DLGAP2: variants seen among roughly 807,000 people sequenced by gnomAD.
The protein encoded by DLGAP2 is disks large-associated protein 2.
A neutral mutation model predicts 100.3 loss-of-function variants in DLGAP2; 26 were observed. The observed-to-expected ratio is 0.26, with a 90% CI of 0.19 to 0.36. DLGAP2 has a LOEUF of 0.36. Among genes scored for constraint, DLGAP2 ranks in the 10% least tolerant of loss-of-function variants. The pLI is 1.00. For synonymous variants in DLGAP2, 886 were observed against 630.1 expected (o/e 1.41, Z -6.08); for missense variants, 1,858 against 1,453.2 (o/e 1.28, Z -4.53).
chr8:1,321,105 G>T (rs560089404), intron 3 of DLGAP2, among the ~76,000 whole-genome samples: 1 of 151,784 alleles, frequency 6.6e-6, no homozygotes, highest in Non-Finnish European at 1.5e-5. Flanking sequence ...GCATCCATGT[G>T]CCTCTGTGTG....
rs79223701 is a variant in DLGAP2, at chr8:1,417,635, G to C, written c.107-83731G>C. On this transcript the variant is annotated intron_variant, in intron 3 of 14. Transcript: ENST00000637795. ...GACTTCACTGCGTGGCCGCCTCCAGGGGGGCACGGGGAGCCCCACTCCTGC... is the reference window on the plus strand; with the variant it reads ...GACTTCACTGCGTGGCCGCCTCCAGCGGGGCACGGGGAGCCCCACTCCTGC... Among the ~76,000 whole-genome samples, 12 of 103,660 alleles carry C rather than the reference G, an allele frequency of 1.2e-4. 2 individuals are homozygous for C. The East Asian group carries it at 3.4e-3, about 30-fold the overall frequency. 68.0% of individuals were successfully genotyped at this position (103,660 alleles called of 152,430 possible). A position where few individuals can be genotyped will look rare whatever the true frequency, so the allele number is the denominator to read the frequency against.
At chr8:1,191,389 C>G (rs554706267) in intron 2 of DLGAP2, among the ~76,000 whole-genome samples, 2 of 152,238 alleles carry the variant, frequency 1.3e-5, no homozygotes, top group East Asian at 3.9e-4. Flanking sequence ...CCAGGATGGT[C>G]TTGATCTCCT....
intron 3 of DLGAP2, among the ~76,000 whole-genome samples, chr8:1,321,191 G>A (rs984902941): frequency 6.6e-6 from 1 of 151,582 alleles, no homozygotes; most frequent in Non-Finnish European, 1.5e-5. Flanking sequence ...GTCTCTACGT[G>A]TGCACGTGCA....
chr8:1,151,442 A>C (rs1007277219), intron 2 of DLGAP2, among the ~76,000 whole-genome samples: 3 of 152,216 alleles, frequency 2.0e-5, no homozygotes, highest in Admixed American at 6.5e-5. Context: ...CCTTTGGCCT[A>C]CGCGGGGGCA....
At chr8:786,034 T>TTC (rs1200960928) in intron 1 of DLGAP2, among the ~76,000 whole-genome samples, 1 of 152,152 alleles carries the variant, frequency 6.6e-6, no homozygotes, top group African/African-American at 2.4e-5. Flanking sequence ...TGCAGAGAGC[T>TTC]TCGTCAGGAA....
At chr8:1,217,263 C>G (rs987913028) in intron 2 of DLGAP2, among the ~76,000 whole-genome samples, 2 of 152,148 alleles carry the variant, frequency 1.3e-5, no homozygotes, top group African/African-American at 4.8e-5. Context: ...CTCTAGCTGC[C>G]TCCATGTTCC....
At chr8:1,368,755 C>T (rs1162515433) in intron 3 of DLGAP2, 1 of 152,278 alleles carries the variant, frequency 6.6e-6, no homozygotes, top group South Asian at 2.1e-4. Context: ...CTGCTGACTC[C>T]AGAAATACAG....
At chr8:1,205,516 C>T (rs1316079034) in intron 2 of DLGAP2, among the ~76,000 whole-genome samples, 3 of 152,164 alleles carry the variant, frequency 2.0e-5, no homozygotes, top group African/African-American at 4.8e-5. Flanking sequence ...CTGTGGCCAC[C>T]GATTAATTCC....
intron 1 of DLGAP2, among the ~76,000 whole-genome samples, chr8:757,490 G>A (rs1045662905): frequency 1.3e-5 from 2 of 152,128 alleles, no homozygotes; most frequent in Non-Finnish European, 2.9e-5. Flanking sequence ...TAGGCACTGG[G>A]CTGATGGGAT....
intron 2 of DLGAP2, among the ~76,000 whole-genome samples, chr8:928,949 C>T: frequency 6.6e-6 from 1 of 151,272 alleles, no homozygotes; most frequent in East Asian, 2.0e-4. Context: ...CTCAAGGTTT[C>T]TCTGGAAAGA....
chr8:1,046,139 G>A (rs1035860141), intron 2 of DLGAP2, among the ~76,000 whole-genome samples: 1 of 152,196 alleles, frequency 6.6e-6, no homozygotes, highest in African/African-American at 2.4e-5. Flanking sequence ...AATAAAGTCA[G>A]GCAGTTATTA....
At chr8:799,181 C>G (rs747770427) in intron 1 of DLGAP2, among the ~76,000 whole-genome samples, 2 of 152,186 alleles carry the variant, frequency 1.3e-5, no homozygotes, top group Non-Finnish European at 2.9e-5. Flanking sequence ...CACCCCAGGC[C>G]TTCTCTCTGG....
chr8:1,672,078 G>C (rs79058989), intron 10 of DLGAP2, among the ~76,000 whole-genome samples: 8,973 of 152,276 alleles, frequency 0.059, 311 homozygotes, highest in Middle Eastern at 0.17. Flanking sequence ...TGTGTTTGGG[G>C]AACTCTGGGA....
chr8:751,801 A>G (rs1025834106), intron 1 of DLGAP2, among the ~76,000 whole-genome samples: 1 of 151,984 alleles, frequency 6.6e-6, no homozygotes, highest in Non-Finnish European at 1.5e-5. Context: ...TTTTATAGTA[A>G]GTCCTTATAG....
At position 1,626,821 on chromosome 8, in the gene DLGAP2, C is replaced by T. The variant is rs1227137669; in HGVS notation, c.1524C>T (p.Phe508=). Reference sequence around the variant, plus strand: ...CTGCGAACTACAACTCCCCGAAATTCCGCTCCCGGAACCAGAGCTACATGA... The same window carrying T: ...CTGCGAACTACAACTCCCCGAAATTTCGCTCCCGGAACCAGAGCTACATGA... ...DPAANYNSPK[F]RSRNQSYMRA... The change falls in exon 7 of 15, where the codon TTC becomes TTT. Residue 508 remains phenylalanine, a synonymous_variant. Coordinates refer to ENST00000637795, the MANE Select transcript of DLGAP2 (RefSeq NM_001346810.2). The T allele has an allele frequency of 1.2e-6, 2 of 1,605,842 alleles. No homozygotes were observed. The highest frequency in any genetic ancestry group is 1.7e-6 in the Non-Finnish European group (2 of 1,176,552).
Position 894,186 on chromosome 8 carries a change from G to A in DLGAP2, c.19-13726G>A, listed in dbSNP as rs547953722. ...TCAGCTGAGCCCTTGGGTGGGAGAC[G>A]CCCCCAGAGCAGCCTCCCTGCAGCC... On this transcript the variant is annotated intron_variant, in intron 1 of 14. Coordinates refer to ENST00000637795, the MANE Select transcript of DLGAP2 (RefSeq NM_001346810.2). Among the ~76,000 whole-genome samples, 12 of 152,274 alleles carry A rather than the reference G, an allele frequency of 7.9e-5. No individual in the cohort carries two copies. The East Asian group carries it at 1.4e-3, about 17-fold the overall frequency.
intron 2 of DLGAP2, among the ~76,000 whole-genome samples, chr8:1,056,008 A>C (rs368842482): frequency 4.6e-5 from 7 of 152,258 alleles, no homozygotes; most frequent in Middle Eastern, 3.4e-3. Flanking sequence ...GCTGCTCCTT[A>C]TGGAGGCAGC....
chr8:1,513,367 A>G lies in DLGAP2; in HGVS notation c.172+11936A>G, dbSNP rs1158798767. ...CCAGGGAGGCTCGGTGGGATACGCT[A>G]CTGCCTTTCCCAGTGCAGAGGAGGA... On this transcript the variant is annotated intron_variant, in intron 4 of 14. Coordinates refer to ENST00000637795, the MANE Select transcript of DLGAP2 (RefSeq NM_001346810.2). Among the ~76,000 whole-genome samples the G allele has an allele frequency of 6.2e-5, 6 of 97,258 alleles. No homozygotes were observed. The South Asian group carries it at 1.8e-3, about 29-fold the overall frequency. 63.8% of individuals were successfully genotyped at this position (97,258 alleles called of 152,430 possible). A position where few individuals can be genotyped will look rare whatever the true frequency, so the allele number is the denominator to read the frequency against.
In DLGAP2 at chr8:767,546, G is replaced by A. The variant is rs182077791; in HGVS notation, c.18+29721G>A. ...TAATTTTTGTATTTTTAGTAGAGAC[G>A]GGGTTTCACCATGTTGGCCAGGCTG... On this transcript the variant is annotated intron_variant, in intron 1 of 14. Transcript: ENST00000637795. Among the ~76,000 whole-genome samples, 52 of 152,024 alleles carry A rather than the reference G, an allele frequency of 3.4e-4. 2 individuals carry two copies. The highest frequency in any genetic ancestry group is 2.2e-3 in the Admixed American group (34 of 15,258).
Sources: gnomAD v4.1 joint callset for allele counts (sites outside exome capture counted in the v4.1 genomes callset) on GRCh38, gnomAD v4.1.1 for gene constraint, MANE v1.5 for transcripts, NCBI Gene and HGNC (gene_info 2026-07-23, HGNC 2026-07-21) for gene names.